FAT4: variants seen among roughly 807,000 people sequenced by gnomAD.
FAT4 encodes protocadherin Fat 4.
In FAT4, 84 loss-of-function variants were observed where a neutral mutation model predicts 303.9. The ratio of observed to expected loss-of-function variants is 0.28; its 90% CI spans 0.23 to 0.33. The LOEUF (loss-of-function observed/expected upper bound fraction) is 0.33. Ranked by LOEUF, FAT4 falls within the 10% of genes least tolerant of loss-of-function variation. The pLI is 1.00. For synonymous variants in FAT4, 2,307 were observed against 2,298.8 expected (o/e 1.00, Z -0.10); for missense variants, 6,005 against 6,146.8 (o/e 0.98, Z 0.77).
chr4:125,402,454 T>C (rs988108527), intron 3 of FAT4, among the ~76,000 whole-genome samples: 2 of 151,986 alleles, frequency 1.3e-5, no homozygotes, highest in African/African-American at 4.8e-5. Flanking sequence ...AACCATAAAA[T>C]TACAATAAAT....
chr4:125,430,282 G>A (rs1265393277), intron 7 of FAT4, among the ~76,000 whole-genome samples: 1 of 152,096 alleles, frequency 6.6e-6, no homozygotes, highest in African/African-American at 2.4e-5. Flanking sequence ...GGGAGTTTGT[G>A]TCACTCATCT....
intron 12 of FAT4, among the ~76,000 whole-genome samples, chr4:125,469,771 C>G (rs1346356457): frequency 1.3e-5 from 2 of 152,120 alleles, no homozygotes; most frequent in Non-Finnish European, 2.9e-5. Flanking sequence ...GTCTGGAAGC[C>G]CTCAAGCTCA....
chr4:125,358,389 A>G (rs1732518199), intron 2 of FAT4, among the ~76,000 whole-genome samples: 1 of 152,130 alleles, frequency 6.6e-6, no homozygotes, highest in South Asian at 2.1e-4. Context: ...CTAATGAAAT[A>G]GTTATACAAC....
rs1578519628 is a variant in FAT4, at chr4:125,321,379, C to T, written c.4968C>T (p.Pro1656=). ...TGATATCAATAGAAGCAGCTAGCCC[C>T]AGAGGATCTGAGGCCCCAGTGGAGT... ...TNVISIEAAS[P]RGSEAPVEYY... Residue 1656 remains proline (P), a synonymous_variant, in exon 2 of 18, where the codon CCC becomes CCT. Transcript: ENST00000394329. The T allele has an allele frequency of 6.2e-7, 1 of 1,614,124 alleles. No individual in the cohort carries two copies. Among genetic ancestry groups the T allele is most frequent in the East Asian group, 2.2e-5 (1 of 44,874 alleles).
intron 10 of FAT4, among the ~76,000 whole-genome samples, chr4:125,461,002 T>C (rs1190979951): frequency 6.6e-6 from 1 of 152,136 alleles, no homozygotes; most frequent in Non-Finnish European, 1.5e-5. Flanking sequence ...AATCAGATTC[T>C]ATTGAGAATT....
At chr4:125,327,479 A>AT (rs1306815538) in intron 2 of FAT4, among the ~76,000 whole-genome samples, 1 of 152,118 alleles carries the variant, frequency 6.6e-6, no homozygotes, top group Non-Finnish European at 1.5e-5. Context: ...CCTGGGATAA[A>AT]TTTTTTGATT....
At chr4:125,463,929 T>C (rs1196218272) in intron 11 of FAT4, among the ~76,000 whole-genome samples, 1 of 152,110 alleles carries the variant, frequency 6.6e-6, no homozygotes, top group East Asian at 1.9e-4. Flanking sequence ...CCCCCAAAGA[T>C]TTATGGATAT....
chr4:125,435,651 G>A (rs921343430), intron 8 of FAT4, among the ~76,000 whole-genome samples: 4 of 152,134 alleles, frequency 2.6e-5, no homozygotes, highest in Admixed American at 6.6e-5. Flanking sequence ...AATTAATCTC[G>A]TTGTTTTATC....
chr4:125,333,169 T>C (rs1263648249), intron 2 of FAT4, among the ~76,000 whole-genome samples: 1 of 152,100 alleles, frequency 6.6e-6, no homozygotes, highest in East Asian at 1.9e-4. Flanking sequence ...AGGTAACTCA[T>C]TGAGTTTATG....
chr4:125,471,275 A>G (rs545208544), intron 12 of FAT4, among the ~76,000 whole-genome samples: 1 of 152,370 alleles, frequency 6.6e-6, no homozygotes, highest in South Asian at 2.1e-4. Context: ...TATTGTGAGA[A>G]TTATTCAAAT....
At chr4:125,472,754 A>G (rs1483957356) in intron 12 of FAT4, among the ~76,000 whole-genome samples, 1 of 152,228 alleles carries the variant, frequency 6.6e-6, no homozygotes, top group Admixed American at 6.5e-5. Context: ...ATGAGGGGGA[A>G]AAAGAATAAT....
intron 2 of FAT4, among the ~76,000 whole-genome samples, chr4:125,395,254 C>A (rs916629420): frequency 4.6e-5 from 7 of 152,032 alleles, no homozygotes; most frequent in African/African-American, 1.4e-4. Flanking sequence ...AGGGAATGGG[C>A]AATTAAGGAA....
chr4:125,487,373 C>G lies in FAT4; in HGVS notation c.12851C>G (p.Ser4284Cys). The change falls in exon 17 of 18, where the codon TCC becomes TGC. Residue 4284 changes from serine (S) to cysteine (C), a missense_variant. Ser to Cys is a moderately radical substitution (Grantham distance 112). Coordinates refer to ENST00000394329, the MANE Select transcript of FAT4 (RefSeq NM_001291303.3). ...KIKNGKVYFTSDAGIAGKVER... is the reference protein window; with the variant it reads ...KIKNGKVYFTCDAGIAGKVER... ...AAGAATGGCAAAGTATATTTTACAT[C>G]CGATGCAGGAATTGCTGGGAAAGTG... The G allele has an allele frequency of 6.2e-7, 1 of 1,613,358 alleles. No individual in the cohort carries two copies. The highest frequency in any genetic ancestry group is 1.3e-5 in the African/African-American group (1 of 75,022).
In FAT4 at chr4:125,321,447, G is replaced by A. The variant is rs201292031; in HGVS notation, c.5036G>A (p.Arg1679His). 6 of 1,614,050 alleles carry A rather than the reference G, an allele frequency of 3.7e-6. No individual in the cohort carries two copies. Among genetic ancestry groups the A allele is most frequent in the East Asian group, 2.2e-5 (1 of 44,862 alleles). Residue 1679 changes from arginine to histidine, a missense_variant, in exon 2 of 18, where the codon CGC (arginine) becomes CAC (histidine). Physicochemically the swap from Arg to His is conservative, Grantham distance 29. Transcript: ENST00000394329. ...CGTTGTGAAGAAAAAACTGTTGGAC[G>A]CCTCTTTACTATTGGACGACATACT... is the stretch of plus-strand genomic sequence containing the variant. ...SVRCEEKTVGRLFTIGRHTGI... is the reference protein window; with the variant it reads ...SVRCEEKTVGHLFTIGRHTGI...
intron 2 of FAT4, among the ~76,000 whole-genome samples, chr4:125,373,287 C>T (rs1393926820): frequency 1.3e-5 from 2 of 152,062 alleles, no homozygotes; most frequent in Non-Finnish European, 2.9e-5. Context: ...GTTTCACATA[C>T]ATGAAACAAG....
intron 12 of FAT4, among the ~76,000 whole-genome samples, chr4:125,475,514 A>G (rs1354213626): frequency 6.6e-6 from 1 of 152,098 alleles, no homozygotes. Context: ...TTATTTAAAT[A>G]CTATTGGGGA....
At chr4:125,341,687 C>T (rs1731801955) in intron 2 of FAT4, among the ~76,000 whole-genome samples, 1 of 151,756 alleles carries the variant, frequency 6.6e-6, no homozygotes, top group Non-Finnish European at 1.5e-5. Flanking sequence ...AATCAAGATA[C>T]AATTAGTAGC....
At chr4:125,473,811 A>G (rs1208513880) in intron 12 of FAT4, among the ~76,000 whole-genome samples, 1 of 152,006 alleles carries the variant, frequency 6.6e-6, no homozygotes, top group Non-Finnish European at 1.5e-5. Flanking sequence ...TATTATTGTG[A>G]CCATAGTCAT....
At position 125,449,287 on chromosome 4, in the gene FAT4, A is replaced by C; in HGVS notation, c.8277A>C (p.Val2759=). The change falls in exon 10 of 18, where the codon GTA becomes GTC. Residue 2759 remains valine, a synonymous_variant. Coordinates refer to ENST00000394329, the MANE Select transcript of FAT4 (RefSeq NM_001291303.3). ...GGTCCCCGTCTCAGAGTACTTCAGT[A>C]AAAGTCATGATTAACATTTTAGATG... ...DKGSPSQSTS[V]KVMINILDEN... 1 of 1,614,000 alleles carries C rather than the reference A, an allele frequency of 6.2e-7. No individual in the cohort carries two copies.
Sources: allele counts gnomAD v4.1 joint callset (sites outside exome capture counted in the v4.1 genomes callset), GRCh38; gene constraint gnomAD v4.1.1; transcripts MANE v1.5; gene names NCBI Gene and HGNC (gene_info 2026-07-23, HGNC 2026-07-21).